Variants in KAZN observed in about 807,000 individuals in gnomAD.
The protein encoded by KAZN is kazrin, periplakin interacting protein.
In KAZN, 40 loss-of-function variants were observed where a neutral mutation model predicts 87.4. The observed-to-expected ratio is 0.46, with a 90% CI of 0.36 to 0.60. The LOEUF (loss-of-function observed/expected upper bound fraction) is 0.60, where lower values mean the gene tolerates loss of function less well. Among genes scored for constraint, KAZN ranks in the 20% least tolerant of loss-of-function variants. The probability of loss-of-function intolerance (pLI) is 0.00; values close to 1 mark genes in which losing one functional copy is unlikely to be tolerated. For synonymous variants in KAZN, 466 were observed against 458.3 expected (o/e 1.02, Z -0.22); for missense variants, 898 against 1,073.9 (o/e 0.84, Z 2.29).
At chr1:14,234,498 A>G (rs549830214) in intron 2 of KAZN, among the ~76,000 whole-genome samples, 2 of 152,128 alleles carry the variant, frequency 1.3e-5, no homozygotes, top group East Asian at 3.9e-4. Flanking sequence ...GCATGTGTAT[A>G]CCTATGTAAC....
chr1:14,100,323 G>T (rs958694861), intron 1 of KAZN, among the ~76,000 whole-genome samples: 7 of 152,218 alleles, frequency 4.6e-5, no homozygotes, highest in Non-Finnish European at 8.8e-5. Flanking sequence ...CTCGACCTCA[G>T]ATATGTCCCT....
intron 1 of KAZN, among the ~76,000 whole-genome samples, chr1:14,622,849 G>C (rs1678822094): frequency 6.6e-6 from 1 of 152,000 alleles, no homozygotes; most frequent in Non-Finnish European, 1.5e-5. Flanking sequence ...GTCTGGTTCA[G>C]ATCTTAACTC....
At chr1:14,077,351 G>T (rs1391712417) in intron 1 of KAZN, among the ~76,000 whole-genome samples, 1 of 152,156 alleles carries the variant, frequency 6.6e-6, no homozygotes, top group Non-Finnish European at 1.5e-5. Context: ...GTAATGAAAA[G>T]GTTTTTTCTA....
At chr1:13,973,368 C>T (rs1426345492) in intron 1 of KAZN, among the ~76,000 whole-genome samples, 1 of 152,166 alleles carries the variant, frequency 6.6e-6, no homozygotes, top group African/African-American at 2.4e-5. Flanking sequence ...AGCTGTCTTC[C>T]TTACTTTCAG....
At chr1:14,625,472 A>T (rs1679066695) in intron 1 of KAZN, among the ~76,000 whole-genome samples, 1 of 152,218 alleles carries the variant, frequency 6.6e-6, no homozygotes, top group African/African-American at 2.4e-5. Flanking sequence ...GGACCAAAGG[A>T]ATCACTTAGA....
chr1:14,191,497 G>C (rs963072371), intron 2 of KAZN, among the ~76,000 whole-genome samples: 1 of 152,026 alleles, frequency 6.6e-6, no homozygotes. Flanking sequence ...AGGGACCCAT[G>C]GTACATCTAG....
chr1:15,100,682 C>A (rs116317265), intron 10 of KAZN, among the ~76,000 whole-genome samples: 1 of 152,168 alleles, frequency 6.6e-6, no homozygotes, highest in East Asian at 1.9e-4. Flanking sequence ...AAATCTGAGA[C>A]CTGGCAGTGC....
chr1:14,900,795 A>C (rs1311872163), intron 1 of KAZN, among the ~76,000 whole-genome samples: 9 of 149,638 alleles, frequency 6.0e-5, no homozygotes, highest in Non-Finnish European at 1.3e-4. Flanking sequence ...CACAGAAAGG[A>C]CCTAGCAAGT....
intron 2 of KAZN, among the ~76,000 whole-genome samples, chr1:15,001,052 A>G (rs1033486019): frequency 6.7e-6 from 1 of 149,612 alleles, no homozygotes; most frequent in African/African-American, 2.6e-5. Flanking sequence ...GCAGTGAGCC[A>G]TGGTGGTGCC....
chr1:14,530,086 AG>A (rs1308367070), intron 2 of KAZN, among the ~76,000 whole-genome samples: 1 of 152,172 alleles, frequency 6.6e-6, no homozygotes, highest in Non-Finnish European at 1.5e-5. Context: ...CTGGAATCGC[AG>A]GGGCCAGGGG....
At chr1:14,231,946 G>C (rs188158594) in intron 2 of KAZN, among the ~76,000 whole-genome samples, 1 of 152,316 alleles carries the variant, frequency 6.6e-6, no homozygotes, top group East Asian at 1.9e-4. Context: ...AAGGTTGTCA[G>C]CTTAAGGGAA....
chr1:14,818,068 T>C (rs1254807177), intron 1 of KAZN, among the ~76,000 whole-genome samples: 1 of 152,246 alleles, frequency 6.6e-6, no homozygotes, highest in Non-Finnish European at 1.5e-5. Flanking sequence ...ACTCCTGGCA[T>C]ACCTAACATC....
chr1:14,610,834 T>C (rs895267769), intron 1 of KAZN, among the ~76,000 whole-genome samples: 1 of 152,216 alleles, frequency 6.6e-6, no homozygotes, highest in Non-Finnish European at 1.5e-5. Context: ...CTCTCTCTTT[T>C]TCACTATCCC....
chr1:14,890,350 G>A lies in KAZN; in HGVS notation c.227-70334G>A, dbSNP rs1040435413. On this transcript the variant is annotated intron_variant, in intron 1 of 14. Coordinates refer to ENST00000376030, the MANE Select transcript of KAZN (RefSeq NM_201628.3). ...CTGATGGGAAATCTCTCCACTGCCC[G>A]AGAATGGCACGCAGACCCAGAATCT... Among the ~76,000 whole-genome samples, 3 of 152,186 alleles carry A rather than the reference G, an allele frequency of 2.0e-5. No homozygotes were observed. In the East Asian group the frequency reaches 5.8e-4, roughly 29 times the overall value.
chr1:14,530,733 A>G (rs1425218582), intron 2 of KAZN, among the ~76,000 whole-genome samples: 3 of 152,094 alleles, frequency 2.0e-5, no homozygotes, highest in African/African-American at 4.8e-5. Flanking sequence ...TGTCATCACC[A>G]TGCTTCCTGT....
chr1:14,730,952 G>A (rs1643651735), intron 1 of KAZN, among the ~76,000 whole-genome samples: 1 of 152,132 alleles, frequency 6.6e-6, no homozygotes, highest in Non-Finnish European at 1.5e-5. Flanking sequence ...CAGATGCTCA[G>A]GCCTCATGGA....
intron 1 of KAZN, among the ~76,000 whole-genome samples, chr1:14,017,591 C>T (rs1361018944): frequency 6.6e-6 from 1 of 152,210 alleles, no homozygotes; most frequent in Non-Finnish European, 1.5e-5. Flanking sequence ...GCCTGTCTGA[C>T]CACAGAGTGT....
intron 8 of KAZN, among the ~76,000 whole-genome samples, chr1:15,082,416 C>G (rs1440975524): frequency 6.6e-6 from 1 of 152,192 alleles, no homozygotes. Flanking sequence ...CTGCAGACAT[C>G]AAAAGAGGCT....
intron 1 of KAZN, among the ~76,000 whole-genome samples, chr1:13,914,363 C>T (rs1639763220): frequency 6.6e-6 from 1 of 152,200 alleles, no homozygotes; most frequent in Non-Finnish European, 1.5e-5. Context: ...TTATTGTTGA[C>T]CTCACAGTGT....
Sources: gnomAD v4.1 joint callset for allele counts (sites outside exome capture counted in the v4.1 genomes callset) on GRCh38, gnomAD v4.1.1 for gene constraint, MANE v1.5 for transcripts, NCBI Gene and HGNC (gene_info 2026-07-23, HGNC 2026-07-21) for gene names.